Variants in CYP2B6 observed in about 807,000 individuals in gnomAD.
CYP2B6 encodes cytochrome P450 2B6.
A neutral mutation model predicts 43.4 loss-of-function variants in CYP2B6; 35 were observed. The observed-to-expected ratio is 0.81, with a 90% CI of 0.62 to 1.07. The LOEUF is 1.07. Ranked by LOEUF, CYP2B6 falls within the 50% of genes least tolerant of loss-of-function variation. CYP2B6 has a pLI of 0.00. For synonymous variants in CYP2B6, 239 were observed against 239.2 expected (o/e 1.00, Z 0.01); for missense variants, 624 against 632.8 (o/e 0.99, Z 0.15).
intron 5 of CYP2B6, 63 bp from the exon 6 acceptor site, chr19:41,009,931 C>G (rs911020318): frequency 6.2e-7 from 1 of 1,603,384 alleles, no homozygotes; most frequent in African/African-American, 1.3e-5. Flanking sequence ...GGGAGATGGG[C>G]GTATACACAG....
chr19:41,001,387 G>A (rs1482664354), intron 1 of CYP2B6, among the ~76,000 whole-genome samples: 1 of 152,090 alleles, frequency 6.6e-6, no homozygotes, highest in Non-Finnish European at 1.5e-5. Flanking sequence ...CTTGGGGGTG[G>A]GGTAAAGAGG....
rs1429602567 is a variant in CYP2B6, at chr19:40,991,446, T to C, written c.141T>C (p.Asp47=). ...TTTTGGGAAACCTTCTGCAGATGGA[T>C]AGAAGAGGCCTACTCAAATCCTTTC... The part of the protein sequence containing the change: ...LPLLGNLLQM[D]RRGLLKSFLR... Residue 47 remains aspartate, a synonymous_variant, in exon 1 of 9, where the codon GAT becomes GAC. Transcript: ENST00000324071. The C allele has an allele frequency of 6.2e-7, 1 of 1,613,994 alleles. No individual in the cohort carries two copies. The highest frequency in any genetic ancestry group is 1.3e-5 in the African/African-American group (1 of 74,958).
chr19:40,996,271 G>A (rs372178537), intron 1 of CYP2B6, among the ~76,000 whole-genome samples: 4 of 152,032 alleles, frequency 2.6e-5, no homozygotes, highest in African/African-American at 7.3e-5. Flanking sequence ...CTACTATTAG[G>A]TTATAGTTGA....
intron 1 of CYP2B6, among the ~76,000 whole-genome samples, chr19:41,002,969 T>C (rs1335774020): frequency 1.3e-5 from 2 of 152,170 alleles, no homozygotes; most frequent in African/African-American, 4.8e-5. Flanking sequence ...TGGTTTGTTC[T>C]TTTTTGTTGC....
Position 41,004,556 on chromosome 19 carries a change from G to A in CYP2B6, c.484+110G>A, listed in dbSNP as rs888142225. 1.9e-5 allele frequency: 23 copies of A among 1,236,666 alleles called. 1 individual carries two copies. The highest frequency in any genetic ancestry group is 1.0e-4 in the African/African-American group (7 of 67,140). 76.6% of individuals were successfully genotyped at this position (1,236,666 alleles called of 1,614,324 possible). A position where few individuals can be genotyped will look rare whatever the true frequency, so the allele number is the denominator to read the frequency against. On this transcript the variant is annotated intron_variant, in intron 3 of 8. Transcript: ENST00000324071. ...TATAAGGGCACAGACAGAGACAGACGAAACTGGAGACACCATCAGACAGAG... is the reference window on the plus strand; with the variant it reads ...TATAAGGGCACAGACAGAGACAGACAAAACTGGAGACACCATCAGACAGAG...
At chr19:40,998,134 T>C (rs1414917989) in intron 1 of CYP2B6, among the ~76,000 whole-genome samples, 2 of 152,004 alleles carry the variant, frequency 1.3e-5, no homozygotes, top group African/African-American at 4.8e-5. Context: ...TGAGGAGTGA[T>C]AACATTTAGG....
At position 40,997,576 on chromosome 19, in the gene CYP2B6, C is replaced by G. The variant is rs151123536; in HGVS notation, c.171+6100C>G. On this transcript the variant is annotated intron_variant, in intron 1 of 8. Coordinates refer to ENST00000324071, the MANE Select transcript of CYP2B6 (RefSeq NM_000767.5). Reference sequence around the variant, plus strand: ...TGCTCAGACAGAATACATGGACATACAAATGATGAATGTGATAATTGTCAT... The same window carrying G: ...TGCTCAGACAGAATACATGGACATAGAAATGATGAATGTGATAATTGTCAT... Among the ~76,000 whole-genome samples, 442 of 152,212 alleles carry G rather than the reference C, an allele frequency of 2.9e-3. 3 individuals are homozygous for G. Among genetic ancestry groups the G allele is most frequent in the African/African-American group, 0.01 (420 of 41,510 alleles).
Position 41,012,441 on chromosome 19 carries a change from A to G in CYP2B6, c.1108A>G (p.Ile370Val). Residue 370 changes from isoleucine to valine, a missense_variant, in exon 7 of 9, where the codon ATT becomes GTT. Ile to Val is a conservative substitution (Grantham distance 29). Transcript: ENST00000324071. ...CCTTCTCCCCATGGGTGTGCCCCAC[A>G]TTGTCACCCAACACACCAGCTTCCG... is the stretch of plus-strand genomic sequence containing the variant. ...SDLLPMGVPHIVTQHTSFRGY... is the reference protein window; with the variant it reads ...SDLLPMGVPHVVTQHTSFRGY... 6.2e-7 allele frequency: 1 copy of G among 1,614,056 alleles called. No homozygotes were observed. Among genetic ancestry groups the G allele is most frequent in the Non-Finnish European group, 8.5e-7 (1 of 1,179,968 alleles).
At position 41,004,045 on chromosome 19, in the gene CYP2B6, G is replaced by C. The variant is rs2279341; in HGVS notation, c.216G>C (p.Pro72=). Residue 72 remains proline, a synonymous_variant, in exon 2 of 9, where the codon CCG becomes CCC. Coordinates refer to ENST00000324071, the MANE Select transcript of CYP2B6 (RefSeq NM_000767.5). ...ACGTCTTCACGGTACACCTGGGACC[G>C]AGGCCCGTGGTCATGCTGTGTGGAG... The part of the protein sequence containing the change: ...YGDVFTVHLG[P]RPVVMLCGVE... 78,469 of 1,613,632 alleles carry C rather than the reference G, an allele frequency of 0.049. 2,119 individuals carry two copies. The highest frequency in any genetic ancestry group is 0.1 in the Middle Eastern group (606 of 6,062).
At chr19:41,002,584 G>T (rs1480968445) in intron 1 of CYP2B6, among the ~76,000 whole-genome samples, 1 of 152,054 alleles carries the variant, frequency 6.6e-6, no homozygotes, top group African/African-American at 2.4e-5. Context: ...ATTTTGCTCT[G>T]TCGCCCAGGC....
intron 2 of CYP2B6, 49 bp downstream of exon 2, chr19:41,004,212 G>T: frequency 6.2e-7 from 1 of 1,610,890 alleles, no homozygotes; most frequent in South Asian, 1.1e-5. Context: ...GGTGCATCAG[G>T]GAAGGGAGTA....
At position 41,016,490 on chromosome 19, in the gene CYP2B6, G is replaced by A. The variant is rs867491300; in HGVS notation, c.1295-156G>A. ...ACTCAAAGATTTGCATCTGGTTTCA[G>A]AGCAGCTTCCTAAAAGTCCACCCTG... On this transcript the variant is annotated intron_variant, in intron 8 of 8. Transcript: ENST00000324071. 2.7e-5 allele frequency among the ~76,000 whole-genome samples: 4 copies of A among 148,846 alleles called. No individual in the cohort carries two copies. The South Asian group carries it at 6.4e-4, about 24-fold the overall frequency.
Position 41,004,460 on chromosome 19 carries a change from G to C in CYP2B6, c.484+14G>C. ...GGAAATCCAAGGGTGAGTCCTGGGG[G>C]ATGAATAGGAAAGAAAGACAATGAA... is the stretch of plus-strand genomic sequence containing the variant. On this transcript the variant is annotated intron_variant, in intron 3 of 8. Coordinates refer to ENST00000324071, the MANE Select transcript of CYP2B6 (RefSeq NM_000767.5). 1.2e-6 allele frequency: 2 copies of C among 1,612,906 alleles called. No individual in the cohort carries two copies. Among genetic ancestry groups the C allele is most frequent in the Non-Finnish European group, 1.7e-6 (2 of 1,179,594 alleles).
intron 8 of CYP2B6, among the ~76,000 whole-genome samples, chr19:41,016,433 A>AAGAGAG (rs1555793763): frequency 0.14 from 13,904 of 96,132 alleles, 1,367 homozygotes; most frequent in East Asian, 0.22. Flanking sequence ...AAAAAAAAAA[A>AAGAGAG]AGAGAGAGAG....
chr19:41,006,387 T>A (rs1969187116), intron 3 of CYP2B6, among the ~76,000 whole-genome samples: 3 of 143,318 alleles, frequency 2.1e-5, no homozygotes, highest in African/African-American at 7.9e-5. Flanking sequence ...TGGTCTTGAA[T>A]TCCTGATCCT....
intron 1 of CYP2B6, among the ~76,000 whole-genome samples, chr19:40,994,540 C>T (rs1968971582): frequency 6.6e-6 from 1 of 151,996 alleles, no homozygotes; most frequent in Non-Finnish European, 1.5e-5. Context: ...TGGGGTCGTG[C>T]TATGTTGAAC....
intron 1 of CYP2B6, among the ~76,000 whole-genome samples, chr19:40,992,012 G>C (rs1968926850): frequency 6.6e-6 from 1 of 151,988 alleles, no homozygotes; most frequent in Non-Finnish European, 1.5e-5. Flanking sequence ...GACCAGCCTG[G>C]CCAACATGGT....
intron 3 of CYP2B6, 74 bp downstream of exon 3, chr19:41,004,520 A>G (rs1599846356): frequency 1.2e-5 from 18 of 1,544,742 alleles, no homozygotes; most frequent in East Asian, 4.6e-5. Context: ...GAATAGAAAG[A>G]CAGAGAGGTA....
At chr19:41,012,599 G>C in intron 7 of CYP2B6, 75 bp from the exon 8 acceptor site, 1 of 1,611,390 alleles carries the variant, frequency 6.2e-7, no homozygotes, top group Non-Finnish European at 8.5e-7. Flanking sequence ...TTTGTTTTTT[G>C]TATTTCTTTT....
Sources: allele counts gnomAD v4.1 joint callset (sites outside exome capture counted in the v4.1 genomes callset), GRCh38; gene constraint gnomAD v4.1.1; transcripts MANE v1.5; gene names NCBI Gene and HGNC (gene_info 2026-07-23, HGNC 2026-07-21).